The following SIL1 variants were observed in gnomAD, a reference collection of about 807,000 sequenced individuals.
SIL1 encodes the protein nucleotide exchange factor SIL1.
In SIL1, 40 loss-of-function variants were observed where a neutral mutation model predicts 49.1. The observed-to-expected ratio is 0.81, with a 90% CI of 0.63 to 1.06. The LOEUF is 1.06. Among genes scored for constraint, SIL1 ranks in the 50% least tolerant of loss-of-function variants. The pLI is 0.00. For synonymous variants in SIL1, 253 were observed against 250.8 expected, an observed-to-expected ratio of 1.01 and a Z score of -0.08; for missense variants, 500 against 572.6, an observed-to-expected ratio of 0.87 and a Z score of 1.29.
At chr5:139,196,577 G>A (rs1399601053) in intron 1 of SIL1, 1 of 152,212 alleles carries the variant, frequency 6.6e-6, no homozygotes, top group Non-Finnish European at 1.5e-5. Context: ...CAAAGTACTA[G>A]GCAACTTTTC....
At chr5:138,994,193 T>C (rs1286146149) in intron 7 of SIL1, among the ~76,000 whole-genome samples, 1 of 152,072 alleles carries the variant, frequency 6.6e-6, no homozygotes, top group East Asian at 1.9e-4. Flanking sequence ...AGGATAAAGA[T>C]TGAAAAGAAA....
chr5:139,028,630 C>G lies in SIL1; in HGVS notation c.454-1638G>C, dbSNP rs79725880. ...GTCATGTACCCTTCATCCAGCTTCC[C>G]TCAATGTTAACATTTTACATAAGGA... On this transcript the variant is annotated intron_variant, in intron 5 of 9. Coordinates refer to ENST00000394817, the MANE Select transcript of SIL1 (RefSeq NM_022464.5). Among the ~76,000 whole-genome samples, 7 of 152,230 alleles carry G rather than the reference C, an allele frequency of 4.6e-5. No homozygotes were observed. In the East Asian group the frequency reaches 1.3e-3, roughly 29 times the overall value.
At chr5:139,007,359 G>C (rs1388024510) in intron 7 of SIL1, among the ~76,000 whole-genome samples, 6 of 137,316 alleles carry the variant, frequency 4.4e-5, no homozygotes, top group Admixed American at 7.2e-5. Context: ...GGAGATTTTG[G>C]GCTGAGACAA....
chr5:139,057,324 AAAAAG>A lies in SIL1; in HGVS notation c.245-6283_245-6279del, dbSNP rs1443454924. Among the ~76,000 whole-genome samples the A allele has an allele frequency of 5.8e-4, 85 of 147,326 alleles. 10 individuals carry two copies. In the Middle Eastern group the frequency reaches 0.014, roughly 24 times the overall value. On this transcript the variant is annotated intron_variant, in intron 3 of 9. Transcript: ENST00000394817. ...CCCAAGAATGATCAATAAAAAAAAAAAAAAGAAAAGAAAAGAACATCACTGCTAGC... is the reference window on the plus strand; with the variant it reads ...CCCAAGAATGATCAATAAAAAAAAAAAAAAGAAAAGAACATCACTGCTAGC...
In SIL1 at chr5:139,197,711, G is replaced by A. The variant is rs57656797; in HGVS notation, c.-11+558C>T. On this transcript the variant is annotated intron_variant, in intron 1 of 9. Transcript: ENST00000394817. ...GGACCACCTGAATGAGAACCCCCTG[G>A]GGTACAGCTGCCCACGCACCATCTT... is the stretch of plus-strand genomic sequence containing the variant. Among the ~76,000 whole-genome samples, 651 of 152,164 alleles carry A rather than the reference G, an allele frequency of 4.3e-3. 1 individual carries two copies. The highest frequency in any genetic ancestry group is 0.015 in the African/African-American group (618 of 41,494).
rs190533352 is a variant in SIL1, at chr5:139,101,572, A to G, written c.244+19463T>C. On this transcript the variant is annotated intron_variant, in intron 3 of 9. Transcript: ENST00000394817. Reference sequence around the variant, plus strand: ...CACATCTACCTTTTCTCTTCCCCCCAAAATAGCCTAGAACAAATACCTACC... The same window carrying G: ...CACATCTACCTTTTCTCTTCCCCCCGAAATAGCCTAGAACAAATACCTACC... Among the ~76,000 whole-genome samples, 12 of 152,352 alleles carry G rather than the reference A, an allele frequency of 7.9e-5. No homozygotes were observed. The East Asian group carries it at 2.1e-3, about 27-fold the overall frequency.
At chr5:139,177,800 C>T (rs897818873) in intron 1 of SIL1, among the ~76,000 whole-genome samples, 1 of 152,254 alleles carries the variant, frequency 6.6e-6, no homozygotes. Flanking sequence ...GGAGGAACAA[C>T]TCCAGCCCAT....
chr5:139,170,014 G>A (rs1379578919), intron 1 of SIL1, among the ~76,000 whole-genome samples: 2 of 152,288 alleles, frequency 1.3e-5, no homozygotes, highest in Non-Finnish European at 1.5e-5. Flanking sequence ...TTACAGGCGC[G>A]TGCTGCCACG....
At chr5:139,028,408 G>C (rs908317138) in intron 5 of SIL1, among the ~76,000 whole-genome samples, 1 of 152,146 alleles carries the variant, frequency 6.6e-6, no homozygotes, top group East Asian at 1.9e-4. Context: ...TGAGGCAGGA[G>C]AATCGCTTGA....
intron 3 of SIL1, among the ~76,000 whole-genome samples, chr5:139,073,765 A>G (rs920682660): frequency 6.6e-6 from 1 of 151,990 alleles, no homozygotes; most frequent in Non-Finnish European, 1.5e-5. Flanking sequence ...AACATGGTAA[A>G]AATACAAAAA....
At chr5:139,196,256 CAAAAAGGTCTCTG>C (rs1752271598) in intron 1 of SIL1, among the ~76,000 whole-genome samples, 1 of 152,088 alleles carries the variant, frequency 6.6e-6, no homozygotes, top group African/African-American at 2.4e-5. Context: ...TCGCATGGTT[CAAAAAGGTCTCTG>C]AAAACAATTC....
intron 6 of SIL1, among the ~76,000 whole-genome samples, 195 bp downstream of exon 6, chr5:139,026,606 C>CA (rs1194407879): frequency 1.3e-5 from 2 of 151,438 alleles, no homozygotes; most frequent in Admixed American, 1.3e-4. Flanking sequence ...CTGACTCAGA[C>CA]AAAAAAAGAA....
intron 3 of SIL1, among the ~76,000 whole-genome samples, chr5:139,106,613 G>A (rs995918731): frequency 1.3e-5 from 2 of 152,116 alleles, no homozygotes; most frequent in African/African-American, 4.8e-5. Flanking sequence ...AGGGAGTTGT[G>A]TGCTAGAATG....
At chr5:139,061,444 A>G (rs1769586472) in intron 3 of SIL1, among the ~76,000 whole-genome samples, 1 of 152,242 alleles carries the variant, frequency 6.6e-6, no homozygotes, top group African/African-American at 2.4e-5. Context: ...CGTGGACACA[A>G]TGGCAGAAAG....
intron 7 of SIL1, among the ~76,000 whole-genome samples, chr5:139,008,404 A>AC (rs1341417975): frequency 1.7e-4 from 21 of 125,352 alleles, no homozygotes; most frequent in Non-Finnish European, 3.3e-4. Context: ...GATCCTTTCA[A>AC]AAAACCAGCT....
chr5:138,964,238 G>A (rs914917717), intron 7 of SIL1, among the ~76,000 whole-genome samples: 1 of 152,204 alleles, frequency 6.6e-6, no homozygotes, highest in Non-Finnish European at 1.5e-5. Flanking sequence ...CACGCCCAGT[G>A]TGCACAGGGA....
At chr5:139,008,797 T>C (rs1768181837) in intron 7 of SIL1, among the ~76,000 whole-genome samples, 1 of 152,098 alleles carries the variant, frequency 6.6e-6, no homozygotes, top group Non-Finnish European at 1.5e-5. Context: ...AATCCTGAGT[T>C]CTAGTTTGAT....
chr5:139,153,171 A>G (rs533019048), intron 1 of SIL1, among the ~76,000 whole-genome samples: 1 of 151,940 alleles, frequency 6.6e-6, no homozygotes, highest in South Asian at 2.1e-4. Context: ...CTCGTCTCCC[A>G]CCTCCAGGCT....
chr5:139,078,281 CA>C (rs1200476527), intron 3 of SIL1, among the ~76,000 whole-genome samples: 21 of 150,420 alleles, frequency 1.4e-4, no homozygotes, highest in Admixed American at 5.3e-4. Flanking sequence ...ATATCTCTAC[CA>C]AAAAAAAATT....
Sources: gnomAD v4.1 joint callset for allele counts (sites outside exome capture counted in the v4.1 genomes callset) on GRCh38, gnomAD v4.1.1 for gene constraint, MANE v1.5 for transcripts, NCBI Gene and HGNC (gene_info 2026-07-23, HGNC 2026-07-21) for gene names.